The following PHRF1 variants were observed in gnomAD, a reference collection of about 807,000 sequenced individuals.
PHRF1 encodes the protein PHD and RING finger domain-containing protein 1.
Under a neutral mutation model 128.9 loss-of-function variants are expected in PHRF1, and 53 were observed. That is an observed-to-expected ratio of 0.41 (90% CI 0.33 to 0.52). PHRF1 has a LOEUF of 0.52. Ranked by LOEUF, PHRF1 falls within the 20% of genes least tolerant of loss-of-function variation. The pLI, the probability that PHRF1 is intolerant of heterozygous loss-of-function variation, is 0.21. For synonymous variants in PHRF1, 1,178 were observed against 980.6 expected, an observed-to-expected ratio of 1.20 and a Z score of -3.76; for missense variants, 2,503 against 2,284.5, an observed-to-expected ratio of 1.10 and a Z score of -1.95.
chr11:584,632 C>T (rs928920960), intron 3 of PHRF1, among the ~76,000 whole-genome samples: 6 of 151,804 alleles, frequency 4.0e-5, no homozygotes, highest in African/African-American at 1.5e-4. Context: ...AGACCTGGAG[C>T]CCCTGAGGGC....
intron 10 of PHRF1, among the ~76,000 whole-genome samples, 156 bp downstream of exon 10, chr11:601,857 A>G (rs931544452): frequency 1.3e-5 from 2 of 152,226 alleles, no homozygotes; most frequent in Non-Finnish European, 2.9e-5. Flanking sequence ...TTACTCAGTG[A>G]TTTGCTGATG....
At chr11:596,646 C>T (rs903674403) in intron 6 of PHRF1, among the ~76,000 whole-genome samples, 1 of 152,356 alleles carries the variant, frequency 6.6e-6, no homozygotes, top group East Asian at 1.9e-4. Flanking sequence ...AGGCCCCCTT[C>T]CTGACTTACA....
rs368757796 is a variant in PHRF1 at position 597,016 on chromosome 11, C to T, written c.714C>T (p.Ala238=). The T allele has an allele frequency of 5.8e-5, 93 of 1,613,704 alleles. 1 individual carries two copies. Among genetic ancestry groups the T allele is most frequent in the South Asian group, 5.3e-4 (48 of 91,060 alleles). ...GTGCTGCGCCTGGTGTTGTCCTTGC[C>T]GCTGGTAAGGACACTGCTCCCGTCC... The part of the protein sequence containing the change: ...PECAAPGVVL[A]ADAGPVSEEE... Residue 238 remains alanine, a synonymous_variant, in exon 7 of 18, where the codon GCC becomes GCT. Transcript: ENST00000264555. This position sits in a 1 kb window ranked among gnomAD's most constrained non-coding sequence, Gnocchi z 6.5.
Position 608,324 on chromosome 11 carries a change from G to A in PHRF1, c.2868G>A (p.Glu956=). The change falls in exon 14 of 18, where the codon GAG becomes GAA. Residue 956 remains glutamate, a synonymous_variant. Transcript: ENST00000264555. ...GASCSTFFGS[E]ERTVTCVTVV... is the part of the protein sequence containing the mutation. Reference sequence around the variant, plus strand: ...CTTGCAGCACCTTCTTTGGCTCTGAGGAGCGGACGGTGACCTGTGTGACTG... The same window carrying A: ...CTTGCAGCACCTTCTTTGGCTCTGAAGAGCGGACGGTGACCTGTGTGACTG... 6.2e-7 allele frequency: 1 copy of A among 1,609,640 alleles called. No homozygotes were observed. The highest frequency in any genetic ancestry group is 8.5e-7 in the Non-Finnish European group (1 of 1,178,922).
At position 608,989 on chromosome 11, in the gene PHRF1, C is replaced by T. The variant is rs1269525339; in HGVS notation, c.3533C>T (p.Pro1178Leu). 1 of 1,605,498 alleles carries T rather than the reference C, an allele frequency of 6.2e-7. No individual in the cohort carries two copies. The highest frequency in any genetic ancestry group is 8.5e-7 in the Non-Finnish European group (1 of 1,176,928). The change falls in exon 14 of 18, where the codon CCT becomes CTT. Residue 1178 changes from proline to leucine, a missense_variant. Transcript: ENST00000264555. Reference sequence around the variant, plus strand: ...CACAGGGCACGGGAGCACAGGCGGCCTCGGTCCCGTGAGAAGTGGCCGCAG... The same window carrying T: ...CACAGGGCACGGGAGCACAGGCGGCTTCGGTCCCGTGAGAAGTGGCCGCAG... Reference protein sequence around the residue: ...SEHRAREHRRPRSREKWPQTR... With the variant: ...SEHRAREHRRLRSREKWPQTR...
In PHRF1 at chr11:597,538, C is replaced by A. The variant is rs375244623; in HGVS notation, c.862C>A (p.Arg288=). Residue 288 remains arginine (R), a synonymous_variant, in exon 8 of 18, where the codon CGG becomes AGG. Transcript: ENST00000264555. The surrounding 1 kb of genome is among the most constrained non-coding windows in gnomAD (Gnocchi z 6.5). ...TGAGAGAGTGAGAGCAACCGTGAAC[C>A]GGAACCGGATCTCCACGGCCAGGAG... ...QSERVRATVN[R]NRISTARRVQ... is the part of the protein sequence containing the mutation. 6.2e-6 allele frequency: 10 copies of A among 1,611,858 alleles called. No individual in the cohort carries two copies. Among genetic ancestry groups the A allele is most frequent in the Non-Finnish European group, 8.5e-6 (10 of 1,179,400 alleles).
Position 577,621 on chromosome 11 carries a change from G to T in PHRF1, c.-22+1029G>T, listed in dbSNP as rs538454226. On this transcript the variant is annotated intron_variant, in intron 1 of 17. Coordinates refer to ENST00000264555, the MANE Select transcript of PHRF1 (RefSeq NM_001286581.2). ...CAGGCCCGCGGAGACCTTTGTGCGT[G>T]CCTGACTTTTTGACTTCCATTGCAG... Among the ~76,000 whole-genome samples, 39 of 152,372 alleles carry T rather than the reference G, an allele frequency of 2.6e-4. 1 individual carries two copies. In the South Asian group the frequency reaches 7.9e-3, roughly 31 times the overall value.
chr11:579,450 G>C lies in PHRF1; in HGVS notation c.-21-2042G>C, dbSNP rs149653232. 5.9e-5 allele frequency among the ~76,000 whole-genome samples: 9 copies of C among 152,342 alleles called. No homozygotes were observed. The East Asian group carries it at 1.7e-3, about 29-fold the overall frequency. ...CTGGAAGATGTGGGGTCTGTTGTCA[G>C]GGTGGTCACAGCTATTGCCAGGGAG... On this transcript the variant is annotated intron_variant, in intron 1 of 17. Coordinates refer to ENST00000264555, the MANE Select transcript of PHRF1 (RefSeq NM_001286581.2).
At chr11:603,725 GTTTGTT>G (rs1212978138) in intron 10 of PHRF1, among the ~76,000 whole-genome samples, 43 of 103,282 alleles carry the variant, frequency 4.2e-4, no homozygotes, top group African/African-American at 8.2e-4. Flanking sequence ...CCATATTTAA[GTTTGTT>G]TTTTTTTTTT....
intron 3 of PHRF1, among the ~76,000 whole-genome samples, chr11:584,390 C>T (rs1854399691): frequency 6.6e-6 from 1 of 152,126 alleles, no homozygotes; most frequent in South Asian, 2.1e-4. Context: ...CAGCAGGGCC[C>T]CCACCGTGTC....
At chr11:593,128 G>A (rs931204573) in intron 6 of PHRF1, among the ~76,000 whole-genome samples, 4 of 152,220 alleles carry the variant, frequency 2.6e-5, no homozygotes, top group East Asian at 1.9e-4. Flanking sequence ...AGCTGAGAGC[G>A]CCTGCTCTGG....
At chr11:583,013 G>C (rs911086906) in intron 3 of PHRF1, among the ~76,000 whole-genome samples, 1 of 147,596 alleles carries the variant, frequency 6.8e-6, no homozygotes, top group Non-Finnish European at 1.5e-5. Flanking sequence ...CAGCCTGAGC[G>C]ACAGAGCGAG....
At chr11:588,272 G>C (rs986685987) in intron 4 of PHRF1, among the ~76,000 whole-genome samples, 2 of 152,204 alleles carry the variant, frequency 1.3e-5, no homozygotes. Flanking sequence ...CATGCTGCTG[G>C]TGGTGGCAGG....
rs1856166377 is a variant in PHRF1, at chr11:609,079, A to T, written c.3623A>T (p.Gln1208Leu). ...VREASPAPLA[Q>L]GEPGREDLPT... ...GAGGCTTCCCCAGCGCCCCTTGCAC[A>T]GGGGGAGCCAGGGCGGGAAGACCTC... The change falls in exon 14 of 18, where the codon CAG (glutamine) becomes CTG (leucine). Residue 1208 changes from glutamine to leucine, a missense_variant. Physicochemically the swap from Gln to Leu is moderately radical, Grantham distance 113 (BLOSUM62 -2). Coordinates refer to ENST00000264555, the MANE Select transcript of PHRF1 (RefSeq NM_001286581.2). 6.2e-7 allele frequency: 1 copy of T among 1,601,474 alleles called. No homozygotes were observed. Among genetic ancestry groups the T allele is most frequent in the African/African-American group, 1.3e-5 (1 of 74,744 alleles).
rs762762462 is a variant in PHRF1 at position 598,459 on chromosome 11, C to A, written c.981C>A (p.Arg327=). The change falls in exon 9 of 18, where the codon CGC becomes CGA. Residue 327 remains arginine (R), a synonymous_variant. Coordinates refer to ENST00000264555, the MANE Select transcript of PHRF1 (RefSeq NM_001286581.2). ...GCCTGAGCACTGCCGTGTATCAGCG[C>A]CCCCTGACGCCGCGCACTCCCGCCC... is the stretch of plus-strand genomic sequence containing the variant. The part of the protein sequence containing the change: ...ATGLSTAVYQ[R]PLTPRTPARR... The A allele has an allele frequency of 7.5e-6, 12 of 1,610,434 alleles. No individual in the cohort carries two copies. Among genetic ancestry groups the A allele is most frequent in the Middle Eastern group, 3.3e-4 (2 of 6,082 alleles).
chr11:605,869 G>A, intron 12 of PHRF1, 145 bp downstream of exon 12: 1 of 1,334,636 alleles, frequency 7.5e-7, no homozygotes, highest in Non-Finnish European at 9.9e-7. Flanking sequence ...TCATCAGTCG[G>A]CCCTTGGCGT....
chr11:610,823 G>C (rs553516343), intron 16 of PHRF1, 62 bp downstream of exon 16: 1 of 1,586,402 alleles, frequency 6.3e-7, no homozygotes, highest in Non-Finnish European at 8.6e-7. Context: ...TAAAGTTGTT[G>C]GGGCTGAGTT....
intron 1 of PHRF1, among the ~76,000 whole-genome samples, chr11:579,315 TC>T (rs1854077671): frequency 6.6e-6 from 1 of 151,564 alleles, no homozygotes; most frequent in Non-Finnish European, 1.5e-5. Flanking sequence ...CTTGGTAGAT[TC>T]ATGTGAGAGA....
intron 3 of PHRF1, among the ~76,000 whole-genome samples, chr11:584,477 G>A (rs1271757556): frequency 6.6e-6 from 1 of 152,166 alleles, no homozygotes; most frequent in Admixed American, 6.5e-5. Flanking sequence ...AGAGCTGTGG[G>A]CGTCCAGGGG....
Sources: allele counts gnomAD v4.1 joint callset (sites outside exome capture counted in the v4.1 genomes callset), GRCh38; gene constraint gnomAD v4.1.1; non-coding constraint Gnocchi (gnomAD v3.1); transcripts MANE v1.5; gene names NCBI Gene and HGNC (gene_info 2026-07-23, HGNC 2026-07-21).